KCND2: variants seen among roughly 807,000 people sequenced by gnomAD.
KCND2 encodes A-type voltage-gated potassium channel KCND2.
Under a neutral mutation model 54.4 loss-of-function variants are expected in KCND2, and 16 were observed. That is an observed-to-expected ratio of 0.29 (90% CI 0.20 to 0.45). The LOEUF is 0.45. Ranked by LOEUF, KCND2 falls within the 20% of genes least tolerant of loss-of-function variation. The probability of loss-of-function intolerance (pLI) is 1.00; values close to 1 mark genes in which losing one functional copy is unlikely to be tolerated. For missense variants in KCND2, 486 were observed against 824.2 expected (o/e 0.59, Z 5.02); for synonymous variants, 317 against 310.7 (o/e 1.02, Z -0.21).
At chr7:120,605,354 C>T (rs1792868969) in intron 1 of KCND2, among the ~76,000 whole-genome samples, 2 of 152,246 alleles carry the variant, frequency 1.3e-5, no homozygotes, top group African/African-American at 4.8e-5. Context: ...AATCTTTCAC[C>T]TAGCATGTTT....
chr7:120,732,107 A>G (rs1051498789), intron 1 of KCND2, among the ~76,000 whole-genome samples: 1 of 152,136 alleles, frequency 6.6e-6, no homozygotes, highest in African/African-American at 2.4e-5. Context: ...CTGCATAGAG[A>G]TAGTTTTAAG....
intron 1 of KCND2, among the ~76,000 whole-genome samples, chr7:120,659,157 A>G (rs1791837732): frequency 6.6e-6 from 1 of 152,222 alleles, no homozygotes; most frequent in Non-Finnish European, 1.5e-5. Flanking sequence ...AATGGAGGGA[A>G]AAGGAGAAAC....
intron 1 of KCND2, among the ~76,000 whole-genome samples, chr7:120,438,551 A>G (rs1255595526): frequency 1.3e-5 from 2 of 152,226 alleles, no homozygotes; most frequent in Non-Finnish European, 2.9e-5. Context: ...ATATGGGTGT[A>G]AATATCACCT....
intron 1 of KCND2, among the ~76,000 whole-genome samples, chr7:120,457,137 G>T (rs930314336): frequency 2.0e-5 from 3 of 152,146 alleles, no homozygotes; most frequent in Non-Finnish European, 2.9e-5. Context: ...ACACATTAGG[G>T]GATCCCCGGG....
chr7:120,442,953 G>A (rs1801963964), intron 1 of KCND2, among the ~76,000 whole-genome samples: 2 of 152,046 alleles, frequency 1.3e-5, no homozygotes, highest in Admixed American at 6.6e-5. Context: ...ACTTTACTTC[G>A]TTCTAGGAGA....
intron 1 of KCND2, among the ~76,000 whole-genome samples, chr7:120,565,081 A>G (rs1245491566): frequency 6.6e-6 from 1 of 152,206 alleles, no homozygotes; most frequent in Non-Finnish European, 1.5e-5. Flanking sequence ...AACTCTACAT[A>G]TTAGGAATAG....
At chr7:120,746,184 G>A (rs780237672) in intron 5 of KCND2, among the ~76,000 whole-genome samples, 157 bp downstream of exon 5, 4 of 152,108 alleles carry the variant, frequency 2.6e-5, no homozygotes, top group Non-Finnish European at 5.9e-5. Context: ...AAATGGTTCT[G>A]CTTGCATATC....
chr7:120,505,186 G>T (rs2116322535), intron 1 of KCND2, among the ~76,000 whole-genome samples: 1 of 151,738 alleles, frequency 6.6e-6, no homozygotes, highest in East Asian at 1.9e-4. Flanking sequence ...TCAAAACTCA[G>T]TAAAAGTATG....
chr7:120,487,050 A>G (rs1802705025), intron 1 of KCND2, among the ~76,000 whole-genome samples: 1 of 152,172 alleles, frequency 6.6e-6, no homozygotes, highest in South Asian at 2.1e-4. Context: ...TGTAAAATCA[A>G]TATGCTAAGC....
intron 1 of KCND2, among the ~76,000 whole-genome samples, chr7:120,493,871 C>A (rs1333645272): frequency 1.3e-5 from 2 of 152,006 alleles, no homozygotes; most frequent in East Asian, 3.9e-4. Flanking sequence ...TGTTAAACTG[C>A]ATATATCTAA....
chr7:120,313,696 A>C (rs1799772525), intron 1 of KCND2, among the ~76,000 whole-genome samples: 1 of 149,978 alleles, frequency 6.7e-6, no homozygotes, highest in Non-Finnish European at 1.5e-5. Flanking sequence ...AGAATACTGA[A>C]GCATTGCTCT....
At chr7:120,607,785 A>G (rs1469861258) in intron 1 of KCND2, among the ~76,000 whole-genome samples, 1 of 152,108 alleles carries the variant, frequency 6.6e-6, no homozygotes, top group Non-Finnish European at 1.5e-5. Context: ...TAAATTCTAG[A>G]TATAGCATGA....
intron 1 of KCND2, among the ~76,000 whole-genome samples, chr7:120,339,525 G>A (rs200005349): frequency 1.4e-5 from 1 of 69,250 alleles, no homozygotes; most frequent in African/African-American, 3.2e-5. Flanking sequence ...GTGTGTGTGT[G>A]TGTGTGTGTG....
At chr7:120,705,373 G>T (rs1297088484) in intron 1 of KCND2, among the ~76,000 whole-genome samples, 2 of 152,134 alleles carry the variant, frequency 1.3e-5, no homozygotes, top group Non-Finnish European at 2.9e-5. Flanking sequence ...TTTGGCTGTA[G>T]ACATTGACAG....
rs576531209 is a variant in KCND2, at chr7:120,327,450, A to G, written c.1115+51703A>G. 3.7e-4 allele frequency among the ~76,000 whole-genome samples: 56 copies of G among 152,196 alleles called. No homozygotes were observed. In the South Asian group the frequency reaches 0.011, roughly 30 times the overall value. On this transcript the variant is annotated intron_variant, in intron 1 of 5. Coordinates refer to ENST00000331113, the MANE Select transcript of KCND2 (RefSeq NM_012281.3). ...ACATTTAGAATTCCACCTCCTTCCTACCTATATGAAGAGTGATTCTTCCAA... is the reference window on the plus strand; with the variant it reads ...ACATTTAGAATTCCACCTCCTTCCTGCCTATATGAAGAGTGATTCTTCCAA...
intron 1 of KCND2, among the ~76,000 whole-genome samples, chr7:120,732,545 T>C (rs1332052125): frequency 6.6e-6 from 1 of 152,144 alleles, no homozygotes; most frequent in African/African-American, 2.4e-5. Flanking sequence ...AATTGTGTTA[T>C]CCAGACTCTA....
At chr7:120,509,150 C>T (rs2116328420) in intron 1 of KCND2, among the ~76,000 whole-genome samples, 1 of 151,980 alleles carries the variant, frequency 6.6e-6, no homozygotes, top group East Asian at 1.9e-4. Context: ...TGTTAGGTAA[C>T]TCTCACAACC....
chr7:120,700,577 A>G (rs918871006), intron 1 of KCND2, among the ~76,000 whole-genome samples: 3 of 152,216 alleles, frequency 2.0e-5, no homozygotes, highest in African/African-American at 7.2e-5. Flanking sequence ...TCAAAACATT[A>G]TGGCCCCTTT....
intron 1 of KCND2, among the ~76,000 whole-genome samples, chr7:120,621,986 GT>G (rs1051460502): frequency 5.3e-5 from 8 of 149,600 alleles, no homozygotes; most frequent in South Asian, 4.3e-4. Context: ...TGTTGTTTTG[GT>G]TTTTTTTTAA....
Sources: allele counts gnomAD v4.1 joint callset (sites outside exome capture counted in the v4.1 genomes callset), GRCh38; gene constraint gnomAD v4.1.1; transcripts MANE v1.5; gene names NCBI Gene and HGNC (gene_info 2026-07-23, HGNC 2026-07-21).